The following GRK5 variants were observed in gnomAD, a reference collection of about 807,000 sequenced individuals.
GRK5 encodes the protein g protein-coupled receptor kinase GRK5.
GRK5 carries 40 observed loss-of-function variants against 78.4 expected under a neutral mutation model. That is an observed-to-expected ratio of 0.51 (90% confidence interval 0.40 to 0.66). The LOEUF (loss-of-function observed/expected upper bound fraction) is 0.66, where lower values mean the gene tolerates loss of function less well. Ranked by LOEUF, GRK5 falls within the 30% of genes least tolerant of loss-of-function variation. The pLI, the probability that GRK5 is intolerant of heterozygous loss-of-function variation, is 0.00. For synonymous variants in GRK5, 289 were observed against 296.8 expected (o/e 0.97, Z 0.27); for missense variants, 598 against 759.9 (o/e 0.79, Z 2.50).
intron 1 of GRK5, among the ~76,000 whole-genome samples, chr10:119,225,300 G>T (rs1241968156): frequency 6.6e-6 from 1 of 152,140 alleles, no homozygotes; most frequent in African/African-American, 2.4e-5. Context: ...AAAATACACA[G>T]TACTTCATCT....
chr10:119,438,520 T>A (rs1362901047), intron 9 of GRK5, among the ~76,000 whole-genome samples: 2 of 148,996 alleles, frequency 1.3e-5, no homozygotes, highest in African/African-American at 4.9e-5. Flanking sequence ...CTGTTTTGTT[T>A]TCATTCAAAT....
At chr10:119,410,654 T>C (rs1852321543) in intron 4 of GRK5, among the ~76,000 whole-genome samples, 3 of 152,152 alleles carry the variant, frequency 2.0e-5, no homozygotes, top group Admixed American at 6.5e-5. Context: ...CTGCCTGTGA[T>C]CCTCAGTGCA....
At chr10:119,389,633 AG>A (rs1268526385) in intron 3 of GRK5, among the ~76,000 whole-genome samples, 1 of 152,182 alleles carries the variant, frequency 6.6e-6, no homozygotes, top group Non-Finnish European at 1.5e-5. Flanking sequence ...CTGGAGCAGG[AG>A]GGGGTCTGTG....
Position 119,238,954 on chromosome 10 carries a change from G to A in GRK5, c.52+30985G>A, listed in dbSNP as rs527373244. Among the ~76,000 whole-genome samples the A allele has an allele frequency of 6.6e-6, 1 of 152,090 alleles. No individual in the cohort carries two copies. The highest frequency in any genetic ancestry group is 1.5e-5 in the Non-Finnish European group (1 of 68,022). ...TTGGAAAAGGGGGTGTTGAAGCCAAGGCATTAGAGAAACGTGATTTTTCAT... is the reference window on the plus strand; with the variant it reads ...TTGGAAAAGGGGGTGTTGAAGCCAAAGCATTAGAGAAACGTGATTTTTCAT... On this transcript the variant is annotated intron_variant, in intron 1 of 15. Transcript: ENST00000392870. The surrounding 1 kb of genome is among the most constrained non-coding windows in gnomAD (Gnocchi z 4.7).
At chr10:119,451,594 C>A (rs1466681270) in intron 13 of GRK5, among the ~76,000 whole-genome samples, 1 of 152,230 alleles carries the variant, frequency 6.6e-6, no homozygotes, top group African/African-American at 2.4e-5. Flanking sequence ...GTGGCGTGCA[C>A]CCCGGGCTTT....
intron 15 of GRK5, among the ~76,000 whole-genome samples, chr10:119,454,376 T>G (rs1853357278): frequency 1.3e-5 from 2 of 152,152 alleles, no homozygotes; most frequent in Admixed American, 6.5e-5. Flanking sequence ...GCCCATTGCC[T>G]AGAGCCACGG....
chr10:119,274,567 T>C (rs531736946), intron 1 of GRK5, among the ~76,000 whole-genome samples: 1 of 152,342 alleles, frequency 6.6e-6, no homozygotes, highest in Admixed American at 6.5e-5. Context: ...TTGACTTTAC[T>C]TGGCTGTTCT....
chr10:119,317,347 G>GGTGTGTGT (rs3064482), intron 1 of GRK5, among the ~76,000 whole-genome samples: 24 of 142,514 alleles, frequency 1.7e-4, no homozygotes, highest in African/African-American at 5.7e-4. Context: ...TCAGTAGATG[G>GGTGTGTGT]GTGTGTGTGT....
intron 2 of GRK5, among the ~76,000 whole-genome samples, chr10:119,346,161 G>A (rs1051093157): frequency 6.6e-6 from 1 of 152,178 alleles, no homozygotes; most frequent in African/African-American, 2.4e-5. Context: ...TGGGCTCTGC[G>A]GGAGCCCAGA....
chr10:119,427,920 A>C (rs1405581399), intron 6 of GRK5, among the ~76,000 whole-genome samples: 1 of 150,790 alleles, frequency 6.6e-6, no homozygotes, highest in Non-Finnish European at 1.5e-5. Flanking sequence ...CACCGTCAGC[A>C]TCACTGCCAT....
chr10:119,386,880 G>A (rs1039716493), intron 3 of GRK5, among the ~76,000 whole-genome samples: 4 of 152,178 alleles, frequency 2.6e-5, no homozygotes, highest in Non-Finnish European at 5.9e-5. Context: ...TGCCTGACTC[G>A]GCCAGCGCCA....
intron 11 of GRK5, among the ~76,000 whole-genome samples, 165 bp from the exon 12 acceptor site, chr10:119,443,379 G>C (rs1193299923): frequency 1.3e-5 from 2 of 152,178 alleles, no homozygotes; most frequent in Non-Finnish European, 2.9e-5. Context: ...AGTCCTTCGG[G>C]GGCACAGAGG....
At chr10:119,283,787 A>G (rs771909275) in intron 1 of GRK5, among the ~76,000 whole-genome samples, 1 of 152,240 alleles carries the variant, frequency 6.6e-6, no homozygotes, top group Non-Finnish European at 1.5e-5. Flanking sequence ...GTAGTAGCAA[A>G]GCTGAGACGT....
At chr10:119,268,121 A>G (rs1016214014) in intron 1 of GRK5, among the ~76,000 whole-genome samples, 4 of 152,116 alleles carry the variant, frequency 2.6e-5, no homozygotes, top group South Asian at 2.1e-4. Context: ...CACTGGCCTC[A>G]CCCACAGCTC....
At chr10:119,425,520 A>G (rs1179107786) in intron 6 of GRK5, among the ~76,000 whole-genome samples, 1 of 152,212 alleles carries the variant, frequency 6.6e-6, no homozygotes, top group Non-Finnish European at 1.5e-5. Flanking sequence ...GTACTTCTGC[A>G]AGTACATCCA....
intron 1 of GRK5, among the ~76,000 whole-genome samples, chr10:119,209,487 GTT>G (rs60169912): frequency 0.097 from 9,307 of 96,280 alleles, 352 homozygotes; most frequent in Admixed American, 0.12. Context: ...TGTGTGTGTG[GTT>G]TTTTTTTTTT....
intron 1 of GRK5, among the ~76,000 whole-genome samples, chr10:119,236,057 C>A (rs891072834): frequency 1.3e-5 from 2 of 152,136 alleles, no homozygotes; most frequent in Non-Finnish European, 2.9e-5. Flanking sequence ...TTCTCTTGTG[C>A]AGATATTAAC....
chr10:119,308,583 G>A (rs1250896909), intron 1 of GRK5, among the ~76,000 whole-genome samples: 1 of 152,216 alleles, frequency 6.6e-6, no homozygotes, highest in African/African-American at 2.4e-5. Context: ...AAAGTTAGGA[G>A]GCGTGTGTTT....
intron 1 of GRK5, among the ~76,000 whole-genome samples, chr10:119,222,787 C>A (rs1044134398): frequency 2.0e-5 from 3 of 152,216 alleles, no homozygotes; most frequent in Admixed American, 6.5e-5. Flanking sequence ...GCTACGGGCT[C>A]CGTGTCCTGT....
Sources: allele counts gnomAD v4.1 joint callset (sites outside exome capture counted in the v4.1 genomes callset), GRCh38; gene constraint gnomAD v4.1.1; non-coding constraint Gnocchi (gnomAD v3.1); transcripts MANE v1.5; gene names NCBI Gene and HGNC (gene_info 2026-07-23, HGNC 2026-07-21).